PRIM2: variants seen among roughly 807,000 people sequenced by gnomAD.
The protein encoded by PRIM2 is DNA primase large subunit.
In PRIM2, 39 loss-of-function variants were observed where a neutral mutation model predicts 67.3. The ratio of observed to expected loss-of-function variants is 0.58; its 90% CI spans 0.45 to 0.76. PRIM2 has a LOEUF of 0.76. PRIM2 is among the 30% of genes least tolerant of loss of function. The pLI is 0.00. For synonymous variants in PRIM2, 143 were observed against 198.7 expected (o/e 0.72, Z 2.36); for missense variants, 398 against 598.7 (o/e 0.66, Z 3.50).
intron 10 of PRIM2, among the ~76,000 whole-genome samples, chr6:57,589,223 A>T (rs1470042670): frequency 6.6e-6 from 1 of 152,116 alleles, no homozygotes; most frequent in Non-Finnish European, 1.5e-5. Context: ...TGTTCAACAA[A>T]CCTTTCCCTT....
At chr6:57,401,876 G>T (rs1233204536) in intron 7 of PRIM2, among the ~76,000 whole-genome samples, 1 of 152,180 alleles carries the variant, frequency 6.6e-6, no homozygotes, top group Non-Finnish European at 1.5e-5. Context: ...CAGCTTGTTG[G>T]AGGTATGGAT....
Position 57,542,939 on chromosome 6 carries a change from A to ATTTTTTT in PRIM2, c.1020+5327_1020+5333dup, listed in dbSNP as rs1193756482. ...GTTGGCTTAAAATACTGCTTATAGG[A>ATTTTTTT]TTTTTTTTTTTTTTTTTTTGAGACG... On this transcript the variant is annotated intron_variant, in intron 10 of 13. Transcript: ENST00000615550. Among the ~76,000 whole-genome samples, 193 of 71,886 alleles carry ATTTTTTT rather than the reference A, an allele frequency of 2.7e-3. 34 individuals carry two copies. Among genetic ancestry groups the ATTTTTTT allele is most frequent in the East Asian group, 0.016 (42 of 2,610 alleles). 47.2% of individuals were successfully genotyped at this position (71,886 alleles called of 152,430 possible). A position where few individuals can be genotyped will look rare whatever the true frequency, so the allele number is the denominator to read the frequency against.
At chr6:57,239,635 G>A in the PRIM2 span, among the ~76,000 whole-genome samples, 1 of 152,084 alleles carries the variant, frequency 6.6e-6, no homozygotes, top group Non-Finnish European at 1.5e-5. Context: ...TCAGCTACTC[G>A]GGAGGCTCAG....
chr6:57,434,491 A>G (rs573234183), intron 7 of PRIM2, among the ~76,000 whole-genome samples: 4 of 152,300 alleles, frequency 2.6e-5, no homozygotes, highest in Admixed American at 6.5e-5. Flanking sequence ...TGTAACACCA[A>G]TAATTGACAA....
chr6:57,274,077 G>T, the PRIM2 span, among the ~76,000 whole-genome samples: 2 of 152,226 alleles, frequency 1.3e-5, no homozygotes, highest in Admixed American at 1.3e-4. Flanking sequence ...AGGGGTCAGG[G>T]ACCCACTTGA....
chr6:57,257,247 A>G, the PRIM2 span, among the ~76,000 whole-genome samples: 2 of 151,404 alleles, frequency 1.3e-5, no homozygotes, highest in Admixed American at 1.3e-4. Flanking sequence ...AATATTATGA[A>G]ACAGAATAAA....
intron 13 of PRIM2, among the ~76,000 whole-genome samples, chr6:57,639,492 G>A (rs1420523908): frequency 6.6e-6 from 1 of 151,746 alleles, no homozygotes; most frequent in Non-Finnish European, 1.5e-5. Context: ...CAACAAAATT[G>A]ATAGACTGCT....
chr6:57,530,321 G>C (rs1395299941), intron 8 of PRIM2, among the ~76,000 whole-genome samples: 2 of 152,180 alleles, frequency 1.3e-5, no homozygotes, highest in African/African-American at 2.4e-5. Context: ...GTCTCTGGTG[G>C]CAGCAACTTG....
At chr6:57,341,914 T>TCC (rs1383653429) in intron 5 of PRIM2, among the ~76,000 whole-genome samples, 1 of 152,210 alleles carries the variant, frequency 6.6e-6, no homozygotes, top group Non-Finnish European at 1.5e-5. Context: ...AACCTGGACT[T>TCC]AAAGTGCTTG....
intron 10 of PRIM2, among the ~76,000 whole-genome samples, chr6:57,595,504 C>A (rs1776349417): frequency 6.6e-6 from 1 of 152,094 alleles, no homozygotes; most frequent in Non-Finnish European, 1.5e-5. Context: ...TCTCACAAGA[C>A]TGTGCCCTAC....
intron 5 of PRIM2, among the ~76,000 whole-genome samples, chr6:57,334,948 A>T (rs903908554): frequency 6.6e-6 from 1 of 152,074 alleles, no homozygotes; most frequent in Non-Finnish European, 1.5e-5. Flanking sequence ...CATCTGAGGT[A>T]CCGGGTTCAT....
At chr6:57,579,316 C>G (rs1326899747) in intron 10 of PRIM2, among the ~76,000 whole-genome samples, 24,464 of 152,020 alleles carry the variant, frequency 0.16, 2,163 homozygotes, top group Non-Finnish European at 0.21. Context: ...TTTTTTTGTC[C>G]TTGAAATTGT....
intron 7 of PRIM2, among the ~76,000 whole-genome samples, chr6:57,465,283 G>A (rs539396622): frequency 5.9e-5 from 9 of 152,112 alleles, no homozygotes; most frequent in African/African-American, 9.7e-5. Context: ...GGGTATGGGC[G>A]TATGATGCAT....
intron 10 of PRIM2, among the ~76,000 whole-genome samples, chr6:57,579,156 G>T (rs1776028334): frequency 6.9e-6 from 1 of 144,168 alleles, no homozygotes. Context: ...TCTTGATACA[G>T]TTTTTTTTTT....
intron 8 of PRIM2, among the ~76,000 whole-genome samples, chr6:57,531,506 A>G (rs1188460925): frequency 1.3e-5 from 2 of 152,124 alleles, no homozygotes; most frequent in East Asian, 1.9e-4. Context: ...TCACACCTGC[A>G]TGCACCTGAG....
the PRIM2 span, among the ~76,000 whole-genome samples, chr6:57,238,075 G>T: frequency 6.6e-6 from 1 of 152,088 alleles, no homozygotes; most frequent in Non-Finnish European, 1.5e-5. Context: ...AGTCCTTAGA[G>T]ACCTACAAAG....
chr6:57,374,635 G>T (rs1252262725), intron 5 of PRIM2, among the ~76,000 whole-genome samples: 1 of 151,922 alleles, frequency 6.6e-6, no homozygotes, highest in Non-Finnish European at 1.5e-5. Context: ...CTGTCGCCCA[G>T]GCTGGACTGC....
chr6:57,334,031 A>C (rs74970767), intron 5 of PRIM2, among the ~76,000 whole-genome samples: 1 of 152,150 alleles, frequency 6.6e-6, no homozygotes, highest in Admixed American at 6.5e-5. Context: ...GTGATTATGC[A>C]TCCTTTAACA....
chr6:57,321,652 G>A (rs1044162017), intron 3 of PRIM2, among the ~76,000 whole-genome samples: 5 of 152,094 alleles, frequency 3.3e-5, no homozygotes, highest in Admixed American at 3.3e-4. Context: ...CAATAATAAT[G>A]ATCATGATAT....
Sources: allele counts gnomAD v4.1 joint callset (sites outside exome capture counted in the v4.1 genomes callset), GRCh38; gene constraint gnomAD v4.1.1; transcripts MANE v1.5; gene names NCBI Gene and HGNC (gene_info 2026-07-23, HGNC 2026-07-21).